Variants in INSL6 observed in about 807,000 individuals in gnomAD.
INSL6 encodes the protein insulin like 6.
Under a neutral mutation model 9.4 loss-of-function variants are expected in INSL6, and 16 were observed. The ratio of observed to expected loss-of-function variants is 1.70; its 90% CI spans 1.15 to 2.59. The LOEUF (loss-of-function observed/expected upper bound fraction) is 2.59. Among genes scored for constraint, INSL6 ranks in the 30% most tolerant of loss-of-function variants. The probability of loss-of-function intolerance (pLI) is 0.00; values close to 1 mark genes in which losing one functional copy is unlikely to be tolerated. For synonymous variants in INSL6, 154 were observed against 96.9 expected (o/e 1.59, Z -3.46); for missense variants, 391 against 257.3 (o/e 1.52, Z -3.56).
chr9:5,185,314 C>G lies in INSL6; in HGVS notation c.289G>C (p.Val97Leu), dbSNP rs201363703. 5.6e-5 allele frequency: 90 copies of G among 1,613,838 alleles called. No individual in the cohort carries two copies. Among genetic ancestry groups the G allele is most frequent in the Non-Finnish European group, 7.5e-5 (88 of 1,179,970 alleles). ...ACATGCCTTCGGTTTCGATTTTTAC[C>G]TGGGTTTGTGCCTCTTCCCCGGGCC... is the stretch of plus-strand genomic sequence containing the variant. ...SPARGRGTNP[V>L]STSWEEAVNS... Residue 97 changes from valine (V) to leucine (L), a missense_variant and splice_region_variant, in exon 1 of 2, where the codon GTG (valine) becomes CTG (leucine). Transcript: ENST00000381641.
the INSL6 span, chr9:5,110,695 ACT>A: frequency 3.0e-6 from 1 of 331,500 alleles, no homozygotes; most frequent in Non-Finnish European, 5.9e-6. Context: ...CCTTTCTATT[ACT>A]CTTACTGCCA....
chr9:5,102,930 C>G, the INSL6 span, among the ~76,000 whole-genome samples: 1 of 151,998 alleles, frequency 6.6e-6, no homozygotes, highest in Non-Finnish European at 1.5e-5. Flanking sequence ...GTAGCAGCCA[C>G]TGCAAAAACA....
downstream of INSL6, among the ~76,000 whole-genome samples, chr9:5,162,840 A>G (rs904859599): frequency 6.6e-5 from 10 of 152,268 alleles, no homozygotes; most frequent in Non-Finnish European, 1.5e-4. Flanking sequence ...CATTTCAGAA[A>G]GAAACTAGAG....
chr9:5,133,159 T>C (rs1824323792), intron 3 of INSL6, among the ~76,000 whole-genome samples: 2 of 150,414 alleles, frequency 1.3e-5, no homozygotes, highest in African/African-American at 5.0e-5. Flanking sequence ...TGCAGTGATA[T>C]TAGAGTGTCA....
downstream of INSL6, among the ~76,000 whole-genome samples, chr9:5,163,695 T>C (rs1246634567): frequency 6.6e-6 from 1 of 152,100 alleles, no homozygotes; most frequent in Non-Finnish European, 1.5e-5. Context: ...GATCAAACCA[T>C]CTCCAGATCT....
At chr9:5,049,794 T>G in the INSL6 span, among the ~76,000 whole-genome samples, 2 of 152,240 alleles carry the variant, frequency 1.3e-5, no homozygotes, top group Non-Finnish European at 2.9e-5. Context: ...TATAGCCTAG[T>G]ATATGCCTAG....
chr9:5,159,856 G>C (rs1046183104), downstream of INSL6, among the ~76,000 whole-genome samples: 6 of 152,184 alleles, frequency 3.9e-5, no homozygotes, highest in African/African-American at 1.4e-4. Flanking sequence ...TCTCTCCTCA[G>C]CATGCGGCTC....
intron 2 of INSL6, among the ~76,000 whole-genome samples, chr9:5,134,090 T>C (rs1291220650): frequency 6.6e-6 from 1 of 151,976 alleles, no homozygotes; most frequent in Admixed American, 6.6e-5. Context: ...GAAGAAAGGA[T>C]ACCAGAGATT....
intron 1 of INSL6, among the ~76,000 whole-genome samples, chr9:5,172,612 A>G (rs1324730258): frequency 6.6e-6 from 1 of 152,202 alleles, no homozygotes; most frequent in Non-Finnish European, 1.5e-5. Flanking sequence ...ACAAATTTAC[A>G]AGAAAAAACA....
At chr9:5,128,106 G>GTT (rs1292453971) in intron 3 of INSL6, 1 of 231,970 alleles carries the variant, frequency 4.3e-6, no homozygotes, top group African/African-American at 2.2e-5. Flanking sequence ...GTGTGTGTGT[G>GTT]TGTGTGTGTG....
chr9:5,147,302 A>G (rs976454808), intron 2 of INSL6, among the ~76,000 whole-genome samples: 1 of 152,118 alleles, frequency 6.6e-6, no homozygotes, highest in Non-Finnish European at 1.5e-5. Flanking sequence ...CCCACAGGAG[A>G]CAGTCTGGAC....
At chr9:5,123,821 TTCTC>T (rs1053714943), downstream of INSL6, among the ~76,000 whole-genome samples, 92 of 151,874 alleles carry the variant, frequency 6.1e-4, no homozygotes, top group Non-Finnish European at 2.5e-4. Context: ...CTGTTATTTT[TTCTC>T]TCTCTCATTT....
chr9:5,113,033 G>C, the INSL6 span, among the ~76,000 whole-genome samples: 1 of 152,016 alleles, frequency 6.6e-6, no homozygotes, highest in Non-Finnish European at 1.5e-5. Flanking sequence ...ATGGGGGTGA[G>C]GAAGGTGACG....
At chr9:5,047,225 A>G in the INSL6 span, among the ~76,000 whole-genome samples, 2 of 152,238 alleles carry the variant, frequency 1.3e-5, no homozygotes, top group South Asian at 4.1e-4. Context: ...TAGACTATAT[A>G]TAGCAAATGT....
the INSL6 span, among the ~76,000 whole-genome samples, chr9:5,039,290 A>G: frequency 6.6e-6 from 1 of 152,134 alleles, no homozygotes; most frequent in Admixed American, 6.5e-5. Context: ...TACTTGGAAA[A>G]AAAGTTGTGC....
At chr9:5,136,898 A>C (rs754401514) in intron 2 of INSL6, among the ~76,000 whole-genome samples, 1 of 152,114 alleles carries the variant, frequency 6.6e-6, no homozygotes, top group Non-Finnish European at 1.5e-5. Context: ...AAATCTCCTT[A>C]AGCTGATAAG....
chr9:4,996,621 A>T, the INSL6 span, among the ~76,000 whole-genome samples: 1 of 151,696 alleles, frequency 6.6e-6, no homozygotes, highest in Non-Finnish European at 1.5e-5. Context: ...ATTGCATCAG[A>T]TCTTCAGTTG....
At chr9:5,009,803 C>T in the INSL6 span, among the ~76,000 whole-genome samples, 1 of 151,334 alleles carries the variant, frequency 6.6e-6, no homozygotes, top group Admixed American at 6.6e-5. Flanking sequence ...CACAGTCTTG[C>T]TCTGTTGCCC....
chr9:5,111,272 T>A, the INSL6 span: 1 of 490,786 alleles, frequency 2.0e-6, no homozygotes, highest in South Asian at 1.8e-5. Flanking sequence ...GCAGCCTGAC[T>A]CAGGCTGGCT....
Sources: allele counts gnomAD v4.1 joint callset (sites outside exome capture counted in the v4.1 genomes callset), GRCh38; gene constraint gnomAD v4.1.1; transcripts MANE v1.5; gene names NCBI Gene and HGNC (gene_info 2026-07-23, HGNC 2026-07-21).